The following MARVELD2 variants were observed in gnomAD, a reference collection of about 807,000 sequenced individuals.
MARVELD2 encodes the protein MARVEL domain containing 2, also known as MARVEL domain-containing protein 2.
A neutral mutation model predicts 57.6 loss-of-function variants in MARVELD2; 49 were observed. The observed-to-expected ratio is 0.85, with a 90% CI of 0.68 to 1.08. The LOEUF is 1.08. Ranked by LOEUF, MARVELD2 falls within the 50% of genes least tolerant of loss-of-function variation. MARVELD2 has a pLI of 0.00. For missense variants in MARVELD2, 606 were observed against 701.1 expected (o/e 0.86, Z 1.53); for synonymous variants, 238 against 258.8 (o/e 0.92, Z 0.77).
intron 5 of MARVELD2, among the ~76,000 whole-genome samples, chr5:69,438,653 G>A (rs940163140): frequency 2.0e-5 from 3 of 152,026 alleles, no homozygotes; most frequent in Non-Finnish European, 2.9e-5. Flanking sequence ...TTGGGAGGCC[G>A]AGGTGGGTGA....
rs1766532810 is a variant in MARVELD2 at position 69,419,496 on chromosome 5, T to C, written c.111T>C (p.Ser37=). The part of the protein sequence containing the change: ...TIRTHPTLHD[S]ERAVSADPLP... ...GAACCCACCCAACTCTTCATGACAG[T>C]GAGCGGGCAGTGAGCGCTGATCCCT... The change falls in exon 2 of 7, where the codon AGT becomes AGC. Residue 37 remains serine (S), a synonymous_variant. Coordinates refer to ENST00000325631, the MANE Select transcript of MARVELD2 (RefSeq NM_001038603.3). 1 of 1,613,950 alleles carries C rather than the reference T, an allele frequency of 6.2e-7. No homozygotes were observed. The highest frequency in any genetic ancestry group is 1.1e-5 in the South Asian group (1 of 91,074).
In MARVELD2 at chr5:69,433,462, C is replaced by CT. The variant is rs34011580; in HGVS notation, c.1503+383dup. ...CCACCGCATTTGGCATAAAATCTGG[C>CT]TTTTTTTTTTTTTTAAGGCTAGAAT... On this transcript the variant is annotated intron_variant, in intron 5 of 6. Coordinates refer to ENST00000325631, the MANE Select transcript of MARVELD2 (RefSeq NM_001038603.3). 1.9e-3 allele frequency: 361 copies of CT among 187,706 alleles called. 1 individual carries two copies. The highest frequency in any genetic ancestry group is 6.2e-3 in the South Asian group (75 of 12,130). The allele number at this position is 187,706 out of a possible 1,614,324, so 11.6% of individuals were successfully genotyped here. A position where few individuals can be genotyped will look rare whatever the true frequency, so the allele number is the denominator to read the frequency against.
chr5:69,438,612 C>T (rs1767229475), intron 5 of MARVELD2, among the ~76,000 whole-genome samples: 2 of 151,962 alleles, frequency 1.3e-5, no homozygotes, highest in South Asian at 4.2e-4. Flanking sequence ...AGCGGCCGGT[C>T]ATGGTGGCTC....
chr5:69,431,026 G>C (rs1766946696), intron 3 of MARVELD2, among the ~76,000 whole-genome samples: 1 of 149,648 alleles, frequency 6.7e-6, no homozygotes, highest in Admixed American at 6.7e-5. Flanking sequence ...GGCCTCAAGT[G>C]ATCCTCCCAC....
chr5:69,425,138 G>T (rs186193512), intron 3 of MARVELD2, among the ~76,000 whole-genome samples: 13 of 149,632 alleles, frequency 8.7e-5, no homozygotes, highest in Non-Finnish European at 1.8e-4. Context: ...GTAAACTATC[G>T]CAAGAACAAA....
chr5:69,417,938 CAAAAA>C (rs759672131), intron 1 of MARVELD2, among the ~76,000 whole-genome samples: 1 of 93,166 alleles, frequency 1.1e-5, no homozygotes, highest in Admixed American at 1.2e-4. Context: ...GACTCTGTCT[CAAAAA>C]AAAAAAAAAA....
intron 1 of MARVELD2, 200 bp downstream of exon 1, chr5:69,415,370 G>C (rs920691608): frequency 1.6e-4 from 25 of 152,282 alleles, no homozygotes; most frequent in African/African-American, 6.0e-4. Context: ...CCGAGCCGCC[G>C]TCCTTCCGGG....
chr5:69,437,165 G>A (rs1186319472), intron 5 of MARVELD2, among the ~76,000 whole-genome samples: 1 of 148,666 alleles, frequency 6.7e-6, no homozygotes, highest in Non-Finnish European at 1.5e-5. Context: ...CTCCAGCCTG[G>A]GCGACAGAGC....
chr5:69,434,243 C>T (rs1350097677), intron 5 of MARVELD2, among the ~76,000 whole-genome samples: 2 of 152,022 alleles, frequency 1.3e-5, no homozygotes, highest in African/African-American at 2.4e-5. Context: ...GTGGGCAGAT[C>T]GCTTGAGCCC....
intron 5 of MARVELD2, among the ~76,000 whole-genome samples, chr5:69,436,751 G>T (rs1389754314): frequency 6.6e-6 from 1 of 152,190 alleles, no homozygotes; most frequent in African/African-American, 2.4e-5. Context: ...AGGAGTGCAG[G>T]AAGGCATGAG....
At position 69,419,449 on chromosome 5, in the gene MARVELD2, C is replaced by T. The variant is rs555221544; in HGVS notation, c.64C>T (p.Pro22Ser). 2 of 1,614,110 alleles carry T rather than the reference C, an allele frequency of 1.2e-6. No individual in the cohort carries two copies. The highest frequency in any genetic ancestry group is 2.2e-5 in the South Asian group (2 of 91,066). Residue 22 changes from proline (P) to serine (S), a missense_variant, in exon 2 of 7, where the codon CCC becomes TCC. Physicochemically the swap from Pro to Ser is moderately conservative, Grantham distance 74. Transcript: ENST00000325631. ...RRYDEVPSDL[P>S]YQDTTIRTHP... The stretch of plus-strand genomic sequence containing the variant: ...CTACGATGAGGTCCCAAGCGACCTG[C>T]CCTATCAAGATACCACCATAAGAAC...
At chr5:69,430,659 G>T (rs1204866303) in intron 3 of MARVELD2, among the ~76,000 whole-genome samples, 1 of 151,570 alleles carries the variant, frequency 6.6e-6, no homozygotes, top group Non-Finnish European at 1.5e-5. Context: ...TCAGCCTCCT[G>T]AGTAGCTGGG....
At chr5:69,434,290 C>G (rs955888079) in intron 5 of MARVELD2, among the ~76,000 whole-genome samples, 12 of 151,976 alleles carry the variant, frequency 7.9e-5, no homozygotes, top group Non-Finnish European at 1.2e-4. Context: ...ATGGTGAAAC[C>G]CTGTCTCTAC....
intron 5 of MARVELD2, among the ~76,000 whole-genome samples, chr5:69,438,963 G>C (rs1767241256): frequency 6.6e-6 from 1 of 151,390 alleles, no homozygotes; most frequent in Non-Finnish European, 1.5e-5. Context: ...CTACTTGGGA[G>C]GCTGAGACAG....
chr5:69,432,907 A>T lies in MARVELD2; in HGVS notation c.1332-15A>T. The T allele has an allele frequency of 3.1e-6, 5 of 1,614,180 alleles. No individual in the cohort carries two copies. The highest frequency in any genetic ancestry group is 3.4e-6 in the Non-Finnish European group (4 of 1,179,986). On this transcript the variant is annotated splice_polypyrimidine_tract_variant and intron_variant, in intron 4 of 6. Transcript: ENST00000325631. ...AGTGAAACAATTATATCTTTGGCTT[A>T]TGTTTTTCCCCTAGAAAATACCCTG...
chr5:69,437,274 G>A (rs1046518865), intron 5 of MARVELD2, among the ~76,000 whole-genome samples: 2 of 151,324 alleles, frequency 1.3e-5, no homozygotes, highest in Non-Finnish European at 2.9e-5. Context: ...CCAGCTACTC[G>A]GGAAGTCTGA....
chr5:69,441,664 G>A lies in MARVELD2; in HGVS notation c.*10G>A, dbSNP rs755268242. ...ACAAGGTTATTCTTAACGCTTATTTGAAACCACTTTATTTTTTTATTTTAT... is the reference window on the plus strand; with the variant it reads ...ACAAGGTTATTCTTAACGCTTATTTAAAACCACTTTATTTTTTTATTTTAT... On this transcript the variant is annotated 3_prime_UTR_variant, in exon 7 of 7. Transcript: ENST00000325631. The A allele has an allele frequency of 1.3e-6, 2 of 1,528,456 alleles. No homozygotes were observed. The highest frequency in any genetic ancestry group is 2.3e-5 in the South Asian group (2 of 87,552). 94.7% of individuals were successfully genotyped at this position (1,528,456 alleles called of 1,614,324 possible).
At chr5:69,437,056 G>C (rs1767166223) in intron 5 of MARVELD2, among the ~76,000 whole-genome samples, 1 of 151,996 alleles carries the variant, frequency 6.6e-6, no homozygotes, top group African/African-American at 2.4e-5. Flanking sequence ...AGGCATGGTG[G>C]TGTGTGCCTG....
intron 5 of MARVELD2, among the ~76,000 whole-genome samples, chr5:69,435,978 T>G (rs1348236722): frequency 6.6e-6 from 1 of 152,126 alleles, no homozygotes; most frequent in Non-Finnish European, 1.5e-5. Flanking sequence ...TATTCCTTTT[T>G]GTGGTGGAAT....
Sources: allele counts gnomAD v4.1 joint callset (sites outside exome capture counted in the v4.1 genomes callset), GRCh38; gene constraint gnomAD v4.1.1; transcripts MANE v1.5; gene names NCBI Gene and HGNC (gene_info 2026-07-23, HGNC 2026-07-21).